Variants in GARIN2 observed in about 807,000 individuals in gnomAD.
The protein encoded by GARIN2 is Golgi-associated RAB2 interactor protein 2.
chr14:67,215,636 G>T, the GARIN2 span, among the ~76,000 whole-genome samples: 6,435 of 152,190 alleles, frequency 0.042, 147 homozygotes, highest in Middle Eastern at 0.054. Flanking sequence ...GGCAGGTGCT[G>T]CTCAGTGGAA....
chr14:67,226,900 G>T, the GARIN2 span, among the ~76,000 whole-genome samples: 1 of 152,056 alleles, frequency 6.6e-6, no homozygotes, highest in Non-Finnish European at 1.5e-5. Context: ...TGGCATACAG[G>T]GTGACACGTG....
the GARIN2 span, among the ~76,000 whole-genome samples, chr14:67,218,565 C>A: frequency 1.3e-5 from 2 of 152,030 alleles, no homozygotes; most frequent in South Asian, 4.1e-4. Context: ...GATATGGGTT[C>A]TTGCCTGTTT....
At chr14:67,206,423 G>A in the GARIN2 span, among the ~76,000 whole-genome samples, 307 of 152,200 alleles carry the variant, frequency 2.0e-3, no homozygotes, top group African/African-American at 6.9e-3. Context: ...TTGAAACCGG[G>A]AGGTGGAGGT....
chr14:67,208,063 C>A, the GARIN2 span: 1 of 1,297,310 alleles, frequency 7.7e-7, no homozygotes, highest in Non-Finnish European at 1.0e-6. Context: ...CATTCTAAGC[C>A]TCACTCCCTC....
the GARIN2 span, among the ~76,000 whole-genome samples, chr14:67,212,640 A>G: frequency 1.4e-4 from 21 of 145,882 alleles, no homozygotes; most frequent in African/African-American, 2.5e-5. Context: ...TATAATATAT[A>G]TTACATATAT....
chr14:67,218,206 A>G, the GARIN2 span, among the ~76,000 whole-genome samples: 2 of 152,258 alleles, frequency 1.3e-5, no homozygotes, highest in Non-Finnish European at 2.9e-5. Flanking sequence ...GTTTGGGGCC[A>G]TGGGGCTGTT....
At chr14:67,205,612 A>G in the GARIN2 span, among the ~76,000 whole-genome samples, 3 of 152,230 alleles carry the variant, frequency 2.0e-5, no homozygotes, top group Non-Finnish European at 4.4e-5. Flanking sequence ...CAGAGAGTGG[A>G]AAAACAGAGA....
At chr14:67,192,908 A>G in the GARIN2 span, among the ~76,000 whole-genome samples, 2 of 145,478 alleles carry the variant, frequency 1.4e-5, no homozygotes, top group Non-Finnish European at 3.0e-5. Flanking sequence ...ATCTAGATAT[A>G]TATAGATATA....
At chr14:67,218,885 G>A in the GARIN2 span, among the ~76,000 whole-genome samples, 1 of 152,056 alleles carries the variant, frequency 6.6e-6, no homozygotes, top group Admixed American at 6.6e-5. Context: ...GCAGCAGTGA[G>A]GGTTGGTTTC....
At chr14:67,195,715 G>T in the GARIN2 span, among the ~76,000 whole-genome samples, 15 of 6,600 alleles carry the variant, frequency 2.3e-3, no homozygotes, top group South Asian at 0.082. Flanking sequence ...CTTTTTGGTT[G>T]TGTGTGTGTG....
chr14:67,224,888 A>G, the GARIN2 span: 1 of 387,000 alleles, frequency 2.6e-6, no homozygotes, highest in Non-Finnish European at 4.6e-6. Context: ...AAAAGGAGGG[A>G]GCCCTCTAAA....
At chr14:67,191,505 C>G in the GARIN2 span, among the ~76,000 whole-genome samples, 1 of 152,186 alleles carries the variant, frequency 6.6e-6, no homozygotes, top group African/African-American at 2.4e-5. Flanking sequence ...GATTCCCACT[C>G]TCTCCCCTTC....
chr14:67,213,919 T>C, the GARIN2 span, among the ~76,000 whole-genome samples: 3 of 152,252 alleles, frequency 2.0e-5, no homozygotes, highest in South Asian at 2.1e-4. Flanking sequence ...TGGCCAGTGA[T>C]GGTGAGCATT....
chr14:67,203,321 A>G, the GARIN2 span: 3 of 1,528,592 alleles, frequency 2.0e-6, no homozygotes, highest in Non-Finnish European at 2.7e-6. Flanking sequence ...GAGGTTAAAG[A>G]TCTCTCAGAA....
the GARIN2 span, among the ~76,000 whole-genome samples, chr14:67,214,148 G>T: frequency 6.6e-6 from 1 of 152,144 alleles, no homozygotes; most frequent in Non-Finnish European, 1.5e-5. Flanking sequence ...TTCTTTTGCT[G>T]TGCAGAAGCT....
At chr14:67,218,042 T>C in the GARIN2 span, among the ~76,000 whole-genome samples, 1 of 151,956 alleles carries the variant, frequency 6.6e-6, no homozygotes, top group African/African-American at 2.4e-5. Context: ...GTTTCTTTAG[T>C]GTTTGCAAGT....
chr14:67,193,034 C>T, the GARIN2 span, among the ~76,000 whole-genome samples: 1 of 144,536 alleles, frequency 6.9e-6, no homozygotes, highest in Non-Finnish European at 1.5e-5. Flanking sequence ...ATATCTCTAT[C>T]AATATCTAGA....
the GARIN2 span, among the ~76,000 whole-genome samples, chr14:67,225,975 G>GCA: frequency 6.9e-6 from 1 of 144,056 alleles, no homozygotes; most frequent in East Asian, 2.0e-4. Context: ...GCGCGCGCGC[G>GCA]TGCGCATGCG....
the GARIN2 span, among the ~76,000 whole-genome samples, chr14:67,209,306 A>AAG: frequency 3.9e-5 from 6 of 152,000 alleles, no homozygotes; most frequent in African/African-American, 1.2e-4. Context: ...TGAAAATAAA[A>AAG]AGAGAGAGAG....
Sources: gnomAD v4.1 joint callset for allele counts (sites outside exome capture counted in the v4.1 genomes callset) on GRCh38, gnomAD v4.1.1 for gene constraint, MANE v1.5 for transcripts, NCBI Gene and HGNC (gene_info 2026-07-23, HGNC 2026-07-21) for gene names.